Variants in QKI observed in about 807,000 individuals in gnomAD.
QKI encodes KH domain-containing RNA-binding protein QKI.
In QKI, 10 loss-of-function variants were observed where a neutral mutation model predicts 39.0. The observed-to-expected ratio is 0.26, with a 90% CI of 0.16 to 0.43. The LOEUF is 0.43. QKI is among the 20% of genes least tolerant of loss of function. QKI has a pLI of 1.00. For synonymous variants in QKI, 204 were observed against 155.4 expected (o/e 1.31, Z -2.33); for missense variants, 218 against 428.0 (o/e 0.51, Z 4.33).
chr6:163,506,254 A>G lies in QKI; in HGVS notation c.402+27358A>G, dbSNP rs1779087008. 5.3e-5 allele frequency among the ~76,000 whole-genome samples: 8 copies of G among 152,146 alleles called. No homozygotes were observed. In the South Asian group the frequency reaches 1.7e-3, roughly 32 times the overall value. ...TAATAGAGGTATCAGAGAGATTTTCATTATTCTTGTGAGATTTTCCCAATT... is the reference window on the plus strand; with the variant it reads ...TAATAGAGGTATCAGAGAGATTTTCGTTATTCTTGTGAGATTTTCCCAATT... On this transcript the variant is annotated intron_variant, in intron 3 of 7. Coordinates refer to ENST00000361752, the MANE Select transcript of QKI (RefSeq NM_006775.3).
At chr6:163,495,606 T>A (rs1202729712) in intron 3 of QKI, among the ~76,000 whole-genome samples, 3 of 152,196 alleles carry the variant, frequency 2.0e-5, no homozygotes, top group South Asian at 2.1e-4. Context: ...CATTCTAAAT[T>A]CAAATTTTCC....
intron 4 of QKI, among the ~76,000 whole-genome samples, chr6:163,558,398 C>T (rs997207926): frequency 1.4e-5 from 2 of 146,800 alleles, no homozygotes; most frequent in East Asian, 2.0e-4. Context: ...CTTTTTTTTT[C>T]TTTTTCTTTT....
At chr6:163,564,401 T>C in intron 6 of QKI, 1 of 1,332,324 alleles carries the variant, frequency 7.5e-7, no homozygotes, top group South Asian at 1.7e-5. Context: ...TGGTCCGTTG[T>C]TGACCAAAAT....
At chr6:163,415,357 GC>G in intron 1 of QKI, 22 bp downstream of exon 1, 1 of 1,520,190 alleles carries the variant, frequency 6.6e-7, no homozygotes, top group Non-Finnish European at 8.9e-7. Flanking sequence ...CAGGGCCCCG[GC>G]CCCGGCCCGA....
chr6:163,503,890 C>T (rs1285443490), intron 3 of QKI, among the ~76,000 whole-genome samples: 2 of 151,928 alleles, frequency 1.3e-5, no homozygotes, highest in African/African-American at 2.4e-5. Context: ...CAGGCGCCCA[C>T]CACCACACCG....
chr6:163,426,179 A>G (rs1477034884), intron 1 of QKI, among the ~76,000 whole-genome samples: 3 of 152,050 alleles, frequency 2.0e-5, no homozygotes, highest in Non-Finnish European at 4.4e-5. Context: ...TGTTCAAACC[A>G]GAATCTTACT....
intron 4 of QKI, among the ~76,000 whole-genome samples, chr6:163,561,099 A>AG (rs1438466629): frequency 1.3e-5 from 2 of 152,232 alleles, no homozygotes; most frequent in African/African-American, 4.8e-5. Context: ...GAAAGGAGAC[A>AG]GGGATGGTGG....
rs570015435 is a variant in QKI, at chr6:163,469,542, C to T, written c.286-9238C>T. Among the ~76,000 whole-genome samples the T allele has an allele frequency of 1.3e-4, 20 of 152,274 alleles. No homozygotes were observed. In the South Asian group the frequency reaches 4.1e-3, roughly 32 times the overall value. ...ATAGTAGAGGCATTTTCACAGACTT[C>T]TTGAGAGCAGAGTTTCGTTATTCTC... On this transcript the variant is annotated intron_variant, in intron 2 of 7. Transcript: ENST00000361752.
At chr6:163,487,133 G>C (rs76317017) in intron 3 of QKI, among the ~76,000 whole-genome samples, 1 of 151,998 alleles carries the variant, frequency 6.6e-6, no homozygotes, top group African/African-American at 2.4e-5. Flanking sequence ...CTGTTTTATC[G>C]ATCTTGTTGA....
chr6:163,449,203 A>G (rs1790371760), intron 1 of QKI, among the ~76,000 whole-genome samples: 1 of 152,210 alleles, frequency 6.6e-6, no homozygotes, highest in Non-Finnish European at 1.5e-5. Context: ...CTTCAGATGA[A>G]AGCAGTCATT....
chr6:163,521,839 G>A (rs1780182042), intron 3 of QKI, among the ~76,000 whole-genome samples: 1 of 152,052 alleles, frequency 6.6e-6, no homozygotes, highest in Admixed American at 6.6e-5. Flanking sequence ...TTAACCCAGA[G>A]GGATCATTGA....
At chr6:163,494,706 CTG>C (rs1202091980) in intron 3 of QKI, among the ~76,000 whole-genome samples, 9 of 149,498 alleles carry the variant, frequency 6.0e-5, no homozygotes, top group Non-Finnish European at 8.9e-5. Flanking sequence ...TGTTTTTTGA[CTG>C]TTTATTATGA....
intron 1 of QKI, among the ~76,000 whole-genome samples, chr6:163,438,591 A>G (rs755914290): frequency 1.2e-4 from 19 of 152,214 alleles, no homozygotes; most frequent in Non-Finnish European, 2.1e-4. Context: ...TTATAACACA[A>G]TGGTATTTGT....
chr6:163,510,666 A>G (rs533539347), intron 3 of QKI, among the ~76,000 whole-genome samples: 86 of 152,322 alleles, frequency 5.6e-4, no homozygotes, highest in African/African-American at 1.9e-3. Context: ...TGAAGTGACT[A>G]TATTAATATC....
At chr6:163,499,245 G>A (rs759226661) in intron 3 of QKI, among the ~76,000 whole-genome samples, 12 of 152,126 alleles carry the variant, frequency 7.9e-5, no homozygotes, top group Non-Finnish European at 1.2e-4. Context: ...AGTGATGATT[G>A]AACTTATTTG....
At chr6:163,479,123 TA>T (rs35728884) in intron 3 of QKI, among the ~76,000 whole-genome samples, 122,968 of 151,624 alleles carry the variant, frequency 0.81, 50,076 homozygotes, top group East Asian at 1. Flanking sequence ...CTGTCTTTAC[TA>T]AAAAAAATAC....
chr6:163,471,583 A>G (rs1303008741), intron 2 of QKI, among the ~76,000 whole-genome samples: 3 of 152,178 alleles, frequency 2.0e-5, no homozygotes, highest in African/African-American at 7.2e-5. Flanking sequence ...GTACAAATGA[A>G]CATTAATGTT....
rs1778391987 is a variant in QKI at position 163,496,160 on chromosome 6, T to A, written c.402+17264T>A. 2.6e-5 allele frequency among the ~76,000 whole-genome samples: 4 copies of A among 152,230 alleles called. No individual in the cohort carries two copies. In the South Asian group the frequency reaches 8.3e-4, roughly 31 times the overall value. On this transcript the variant is annotated intron_variant, in intron 3 of 7. Transcript: ENST00000361752. ...ATTCTTGCATATCCCATTCGTTTGC[T>A]GATTTTAGAGTCTCTCTCCTTGACT...
In QKI at chr6:163,570,836, C is replaced by G. The variant is rs1783663814; in HGVS notation, c.*126C>G. On this transcript the variant is annotated 3_prime_UTR_variant, in exon 8 of 8. Coordinates refer to ENST00000361752, the MANE Select transcript of QKI (RefSeq NM_006775.3). Reference sequence around the variant, plus strand: ...AGTGCAGCGAGCTGAGGCACTTGTCCGTTCGTCTTACCATCTAACCAAACA... The same window carrying G: ...AGTGCAGCGAGCTGAGGCACTTGTCGGTTCGTCTTACCATCTAACCAAACA... 3 of 1,271,276 alleles carry G rather than the reference C, an allele frequency of 2.4e-6. No individual in the cohort carries two copies. The highest frequency in any genetic ancestry group is 1.6e-5 in the South Asian group (1 of 61,246). The allele number at this position is 1,271,276 out of a possible 1,614,324, so 78.7% of individuals were successfully genotyped here. A position where few individuals can be genotyped will look rare whatever the true frequency, so the allele number is the denominator to read the frequency against.
Sources: gnomAD v4.1 joint callset for allele counts (sites outside exome capture counted in the v4.1 genomes callset) on GRCh38, gnomAD v4.1.1 for gene constraint, MANE v1.5 for transcripts, NCBI Gene and HGNC (gene_info 2026-07-23, HGNC 2026-07-21) for gene names.